Variants in ELP4 observed in about 807,000 individuals in gnomAD.
The protein encoded by ELP4 is elongator acetyltransferase complex subunit 4, also known as elongator complex protein 4.
A neutral mutation model predicts 48.9 loss-of-function variants in ELP4; 51 were observed. That is an observed-to-expected ratio of 1.04 (90% CI 0.83 to 1.32). The LOEUF is 1.32. Ranked by LOEUF, ELP4 falls within the 40% of genes most tolerant of loss-of-function variation. The pLI is 0.00. For missense variants in ELP4, 519 were observed against 514.6 expected, an observed-to-expected ratio of 1.01 and a Z score of -0.08; for synonymous variants, 210 against 189.2, an observed-to-expected ratio of 1.11 and a Z score of -0.90.
intron 9 of ELP4, among the ~76,000 whole-genome samples, chr11:31,740,768 G>A (rs1234430880): frequency 6.6e-6 from 1 of 152,218 alleles, no homozygotes; most frequent in Non-Finnish European, 1.5e-5. Context: ...GAGGAGCCAA[G>A]ATGGCCGAAT....
At chr11:31,668,036 A>G (rs1374282513) in intron 9 of ELP4, among the ~76,000 whole-genome samples, 1 of 152,206 alleles carries the variant, frequency 6.6e-6, no homozygotes, top group Admixed American at 6.5e-5. Context: ...AAGAATTCAT[A>G]TAACACTGCT....
intron 9 of ELP4, among the ~76,000 whole-genome samples, chr11:31,778,444 G>A (rs539978147): frequency 2.2e-4 from 34 of 152,248 alleles, no homozygotes; most frequent in Non-Finnish European, 3.7e-4. Flanking sequence ...ATATTTGTTC[G>A]TTATATTTGT....
At chr11:31,579,537 G>A (rs541695755) in intron 3 of ELP4, among the ~76,000 whole-genome samples, 33 of 152,182 alleles carry the variant, frequency 2.2e-4, no homozygotes, top group Admixed American at 1.4e-3. Flanking sequence ...AACCAACCCA[G>A]ATGTCCACCA....
At chr11:31,722,697 GTCTC>G (rs1946993061) in intron 9 of ELP4, among the ~76,000 whole-genome samples, 1 of 90,536 alleles carries the variant, frequency 1.1e-5, no homozygotes, top group Non-Finnish European at 2.2e-5. Context: ...CTCTCTCTCT[GTCTC>G]TCTCTTTCTC....
At chr11:31,562,926 A>G (rs1957045361) in intron 3 of ELP4, among the ~76,000 whole-genome samples, 2 of 152,270 alleles carry the variant, frequency 1.3e-5, no homozygotes, top group South Asian at 4.1e-4. Flanking sequence ...GGAATATACT[A>G]TTAATACATG....
chr11:31,684,372 A>C (rs1239690165), intron 9 of ELP4, among the ~76,000 whole-genome samples: 3 of 152,040 alleles, frequency 2.0e-5, no homozygotes. Context: ...ACCCCTGGCT[A>C]ATTTTTGTAT....
At chr11:31,725,907 A>G (rs1947066176) in intron 9 of ELP4, among the ~76,000 whole-genome samples, 1 of 152,192 alleles carries the variant, frequency 6.6e-6, no homozygotes, top group Non-Finnish European at 1.5e-5. Context: ...AGAAGGAGTA[A>G]TTTTTGATGC....
intron 9 of ELP4, among the ~76,000 whole-genome samples, chr11:31,711,107 C>T (rs1469466031): frequency 1.3e-5 from 2 of 152,172 alleles, no homozygotes; most frequent in African/African-American, 4.8e-5. Flanking sequence ...TACACTCTAA[C>T]TGAAAGTCTT....
chr11:31,624,947 C>T (rs1944706469), intron 5 of ELP4, among the ~76,000 whole-genome samples: 1 of 151,528 alleles, frequency 6.6e-6, no homozygotes, highest in Non-Finnish European at 1.5e-5. Flanking sequence ...ATATAGTTGT[C>T]ATCTCGTGAT....
At chr11:31,640,830 G>T (rs1945080263) in intron 7 of ELP4, among the ~76,000 whole-genome samples, 1 of 151,920 alleles carries the variant, frequency 6.6e-6, no homozygotes. Context: ...CAGCATAGTA[G>T]AGCCACTGTA....
At chr11:31,710,064 T>G (rs1946707897) in intron 9 of ELP4, among the ~76,000 whole-genome samples, 1 of 152,156 alleles carries the variant, frequency 6.6e-6, no homozygotes, top group Non-Finnish European at 1.5e-5. Context: ...TAAGCCCTTT[T>G]TATAGTGGGG....
chr11:31,694,012 TG>T (rs1184617127), intron 9 of ELP4, among the ~76,000 whole-genome samples: 1 of 152,210 alleles, frequency 6.6e-6, no homozygotes, highest in Non-Finnish European at 1.5e-5. Flanking sequence ...TGGGGTTGTT[TG>T]TTTTTTTCTT....
intron 2 of ELP4, among the ~76,000 whole-genome samples, chr11:31,534,428 T>G (rs1268290033): frequency 6.6e-6 from 1 of 152,108 alleles, no homozygotes; most frequent in African/African-American, 2.4e-5. Flanking sequence ...TGAAGCATCC[T>G]TATTCTTCTA....
At chr11:31,594,697 C>G in intron 3 of ELP4, 73 bp from the exon 4 acceptor site, 1 of 1,022,742 alleles carries the variant, frequency 9.8e-7, no homozygotes, top group African/African-American at 1.7e-5. Flanking sequence ...TCTAGTGTTG[C>G]TAATATTATG....
chr11:31,515,031 G>GTATATATA (rs752573937), intron 1 of ELP4, among the ~76,000 whole-genome samples: 6 of 115,544 alleles, frequency 5.2e-5, no homozygotes, highest in Admixed American at 2.6e-4. Flanking sequence ...GTGTGTGTGT[G>GTATATATA]TGTATATATA....
At chr11:31,596,614 T>C (rs1360036005) in intron 4 of ELP4, among the ~76,000 whole-genome samples, 1 of 152,188 alleles carries the variant, frequency 6.6e-6, no homozygotes, top group Non-Finnish European at 1.5e-5. Flanking sequence ...ATCATCTGTG[T>C]ACCAGATATA....
At chr11:31,547,977 G>A (rs960639051) in intron 3 of ELP4, among the ~76,000 whole-genome samples, 2 of 152,034 alleles carry the variant, frequency 1.3e-5, no homozygotes, top group African/African-American at 4.8e-5. Context: ...GGTATTGATG[G>A]GACATATCTC....
chr11:31,716,423 A>G (rs540856773), intron 9 of ELP4, among the ~76,000 whole-genome samples: 8 of 152,268 alleles, frequency 5.3e-5, no homozygotes, highest in Non-Finnish European at 1.2e-4. Context: ...TAATTTGTCT[A>G]TGCCTCAGTT....
At chr11:31,515,696 G>C (rs1235341979) in intron 1 of ELP4, among the ~76,000 whole-genome samples, 2 of 151,850 alleles carry the variant, frequency 1.3e-5, no homozygotes, top group African/African-American at 4.8e-5. Context: ...TTGCCAAAAT[G>C]GTAAAGGTAG....
Sources: gnomAD v4.1 joint callset for allele counts (sites outside exome capture counted in the v4.1 genomes callset) on GRCh38, gnomAD v4.1.1 for gene constraint, MANE v1.5 for transcripts, NCBI Gene and HGNC (gene_info 2026-07-23, HGNC 2026-07-21) for gene names.